The following FAM13A variants were observed in gnomAD, a reference collection of about 807,000 sequenced individuals.
FAM13A encodes the protein protein FAM13A.
A neutral mutation model predicts 129.6 loss-of-function variants in FAM13A; 76 were observed. That is an observed-to-expected ratio of 0.59 (90% CI 0.49 to 0.71). The LOEUF is 0.71. FAM13A is among the 30% of genes least tolerant of loss of function. The pLI is 0.00. For missense variants in FAM13A, 1,108 were observed against 1,249.3 expected (o/e 0.89, Z 1.70); for synonymous variants, 443 against 449.9 (o/e 0.98, Z 0.20).
intron 7 of FAM13A, among the ~76,000 whole-genome samples, chr4:88,830,698 A>C (rs1266750740): frequency 6.6e-6 from 1 of 152,166 alleles, no homozygotes; most frequent in Non-Finnish European, 1.5e-5. Context: ...TGGACTCCCA[A>C]ATGGCTCACA....
chr4:88,821,324 C>T (rs1434329084), intron 7 of FAM13A, among the ~76,000 whole-genome samples: 1 of 152,128 alleles, frequency 6.6e-6, no homozygotes, highest in Non-Finnish European at 1.5e-5. Flanking sequence ...CACGTAACAG[C>T]GCTCTTCAGA....
intron 7 of FAM13A, among the ~76,000 whole-genome samples, chr4:88,844,925 G>C (rs75426594): frequency 2.6e-5 from 4 of 152,160 alleles, no homozygotes; most frequent in African/African-American, 9.7e-5. Flanking sequence ...GGACTGGGAA[G>C]ACAAGTCTGC....
chr4:89,005,609 C>T (rs927272096), intron 3 of FAM13A, among the ~76,000 whole-genome samples: 1 of 152,124 alleles, frequency 6.6e-6, no homozygotes, highest in African/African-American at 2.4e-5. Context: ...TAATAGCCAT[C>T]CTGACTGGTG....
At chr4:88,968,047 G>T (rs908080126) in intron 4 of FAM13A, among the ~76,000 whole-genome samples, 10 of 152,162 alleles carry the variant, frequency 6.6e-5, no homozygotes, top group African/African-American at 2.4e-4. Flanking sequence ...GCCATAATTT[G>T]CAGAGTCTAG....
intron 5 of FAM13A, among the ~76,000 whole-genome samples, chr4:88,922,570 A>G (rs1751312649): frequency 6.6e-6 from 1 of 152,172 alleles, no homozygotes; most frequent in Admixed American, 6.5e-5. Context: ...AGGGAAATTT[A>G]TAGCACTAAA....
chr4:89,047,178 T>C (rs1336054512), intron 1 of FAM13A, among the ~76,000 whole-genome samples: 1 of 152,172 alleles, frequency 6.6e-6, no homozygotes, highest in Non-Finnish European at 1.5e-5. Context: ...GAGAAGGCTA[T>C]AAAACTCATG....
chr4:88,785,737 G>A (rs753910827), intron 10 of FAM13A, among the ~76,000 whole-genome samples: 22 of 152,216 alleles, frequency 1.4e-4, no homozygotes, highest in Non-Finnish European at 2.5e-4. Flanking sequence ...GGATCTGGGG[G>A]TTTTGAGAGA....
chr4:88,880,457 AT>A (rs1561237392), intron 6 of FAM13A, among the ~76,000 whole-genome samples: 1 of 151,716 alleles, frequency 6.6e-6, no homozygotes, highest in Non-Finnish European at 1.5e-5. Flanking sequence ...CAGGGAAGCC[AT>A]TTCTGACTTT....
intron 4 of FAM13A, among the ~76,000 whole-genome samples, chr4:88,965,666 C>T (rs1171252348): frequency 1.3e-5 from 2 of 152,096 alleles, no homozygotes; most frequent in Non-Finnish European, 2.9e-5. Flanking sequence ...TGACAGATCT[C>T]CAGAACATTT....
intron 5 of FAM13A, among the ~76,000 whole-genome samples, chr4:88,913,361 G>C (rs1235375997): frequency 2.1e-5 from 3 of 141,322 alleles, no homozygotes; most frequent in African/African-American, 8.0e-5. Flanking sequence ...GGAGGAAGAA[G>C]AGAAGAGGAA....
chr4:88,792,670 G>C (rs1024947075), intron 8 of FAM13A, among the ~76,000 whole-genome samples: 1 of 152,042 alleles, frequency 6.6e-6, no homozygotes, highest in African/African-American at 2.4e-5. Context: ...GTAATGACTC[G>C]GGGAAAACCC....
At chr4:88,908,176 C>A (rs1172198772) in intron 5 of FAM13A, among the ~76,000 whole-genome samples, 1 of 152,222 alleles carries the variant, frequency 6.6e-6, no homozygotes, top group African/African-American at 2.4e-5. Flanking sequence ...CCCTTTCCCA[C>A]TAGTTACAGC....
At position 88,739,869 on chromosome 4, in the gene FAM13A, A is replaced by T. The variant is rs1038614335; in HGVS notation, c.2467-744T>A. Among the ~76,000 whole-genome samples the T allele has an allele frequency of 5.9e-5, 9 of 152,104 alleles. No homozygotes were observed. The East Asian group carries it at 7.7e-4, about 13-fold the overall frequency. ...CTATGAAATTATGTTTCTAAGAAGA[A>T]GATTCTGGCAAACAGTGGGTATTCA... On this transcript the variant is annotated intron_variant, in intron 19 of 23. Coordinates refer to ENST00000264344, the MANE Select transcript of FAM13A (RefSeq NM_014883.4).
intron 4 of FAM13A, among the ~76,000 whole-genome samples, chr4:88,966,674 A>G (rs1446415243): frequency 6.6e-6 from 1 of 152,254 alleles, no homozygotes; most frequent in Non-Finnish European, 1.5e-5. Flanking sequence ...TAGACCTGAG[A>G]ATAGTCCATA....
rs568361181 is a variant in FAM13A, at chr4:88,857,561, G to A, written c.844-6378C>T. Among the ~76,000 whole-genome samples the A allele has an allele frequency of 4.0e-5, 6 of 150,936 alleles. No homozygotes were observed. In the South Asian group the frequency reaches 8.4e-4, roughly 21 times the overall value. Reference sequence around the variant, plus strand: ...GGATAATCGCTTGAACCTGGGAGGCGGAGGTTGCAGTGAGTGAAGATTGTG... The same window carrying A: ...GGATAATCGCTTGAACCTGGGAGGCAGAGGTTGCAGTGAGTGAAGATTGTG... On this transcript the variant is annotated intron_variant, in intron 6 of 23. Transcript: ENST00000264344.
At chr4:88,878,154 G>A (rs2150112318) in intron 6 of FAM13A, among the ~76,000 whole-genome samples, 1 of 151,994 alleles carries the variant, frequency 6.6e-6, no homozygotes, top group South Asian at 2.1e-4. Flanking sequence ...GCCAGGCGTG[G>A]TGGCGGGTGC....
chr4:88,988,363 A>C (rs1762528354), intron 4 of FAM13A, among the ~76,000 whole-genome samples: 1 of 152,186 alleles, frequency 6.6e-6, no homozygotes, highest in Admixed American at 6.5e-5. Context: ...GGGATACTTG[A>C]ATGGACTCTC....
intron 1 of FAM13A, among the ~76,000 whole-genome samples, chr4:89,043,305 C>T (rs1533291): frequency 0.59 from 89,027 of 151,902 alleles, 26,671 homozygotes; most frequent in Middle Eastern, 0.68. Context: ...GAGTGTATCA[C>T]CTTGGGAGGC....
At chr4:88,923,399 A>C (rs539257271) in intron 5 of FAM13A, among the ~76,000 whole-genome samples, 2 of 152,176 alleles carry the variant, frequency 1.3e-5, no homozygotes, top group African/African-American at 2.4e-5. Context: ...TGGTTCAACA[A>C]ACGCAAATCA....
Sources: allele counts gnomAD v4.1 joint callset (sites outside exome capture counted in the v4.1 genomes callset), GRCh38; gene constraint gnomAD v4.1.1; transcripts MANE v1.5; gene names NCBI Gene and HGNC (gene_info 2026-07-23, HGNC 2026-07-21).